MTAP: variants seen among roughly 807,000 people sequenced by gnomAD.
MTAP encodes methylthioadenosine phosphorylase.
In MTAP, 33 loss-of-function variants were observed where a neutral mutation model predicts 33.6. The ratio of observed to expected loss-of-function variants is 0.98; its 90% CI spans 0.74 to 1.31. The LOEUF is 1.31. MTAP is among the 40% of genes most tolerant of loss of function. The pLI is 0.00. For missense variants in MTAP, 367 were observed against 360.0 expected, an observed-to-expected ratio of 1.02 and a Z score of -0.16; for synonymous variants, 148 against 125.7, an observed-to-expected ratio of 1.18 and a Z score of -1.19.
At chr9:21,928,159 A>C (rs560529552) in intron 1 of MTAP, among the ~76,000 whole-genome samples, 6 of 152,244 alleles carry the variant, frequency 3.9e-5, no homozygotes, top group African/African-American at 1.4e-4. Flanking sequence ...TGGATGGTAC[A>C]TGTTGGGAGA....
intron 1 of MTAP, among the ~76,000 whole-genome samples, chr9:21,900,982 C>A (rs2118799355): frequency 6.6e-6 from 1 of 152,212 alleles, no homozygotes; most frequent in South Asian, 2.1e-4. Context: ...CACATGAACA[C>A]AAAGAAGGGA....
chr9:21,889,545 G>A (rs964903960), intron 1 of MTAP, among the ~76,000 whole-genome samples: 1 of 152,020 alleles, frequency 6.6e-6, no homozygotes, highest in Non-Finnish European at 1.5e-5. Flanking sequence ...GGGACTAAAG[G>A]GCTGCTGTTC....
At chr9:21,929,163 G>C (rs1224871778) in intron 1 of MTAP, among the ~76,000 whole-genome samples, 1 of 151,938 alleles carries the variant, frequency 6.6e-6, no homozygotes, top group Non-Finnish European at 1.5e-5. Context: ...ATCATGCCTG[G>C]GTGAAGTCAT....
chr9:21,884,086 C>T (rs1340035816), intron 1 of MTAP, among the ~76,000 whole-genome samples: 2 of 151,594 alleles, frequency 1.3e-5, no homozygotes, highest in South Asian at 2.1e-4. Context: ...TCAACATCCT[C>T]ACTGAAAAAA....
At chr9:21,902,974 A>G (rs1818416418) in intron 1 of MTAP, among the ~76,000 whole-genome samples, 1 of 152,254 alleles carries the variant, frequency 6.6e-6, no homozygotes, top group South Asian at 2.1e-4. Context: ...TAAAGAATTT[A>G]AAAGGTAAAT....
chr9:21,909,096 A>T (rs2118838100), intron 1 of MTAP, among the ~76,000 whole-genome samples: 1 of 152,168 alleles, frequency 6.6e-6, no homozygotes, highest in Non-Finnish European at 1.5e-5. Context: ...TGCTGTTTTG[A>T]GGCTCCTTCT....
intron 1 of MTAP, among the ~76,000 whole-genome samples, chr9:21,914,379 C>G (rs1389308190): frequency 6.6e-6 from 1 of 152,046 alleles, no homozygotes; most frequent in African/African-American, 2.4e-5. Context: ...TTGGAACCGA[C>G]CCAAATGTCC....
intron 1 of MTAP, among the ~76,000 whole-genome samples, chr9:21,884,844 T>C (rs1483573360): frequency 6.6e-6 from 1 of 152,180 alleles, no homozygotes; most frequent in Non-Finnish European, 1.5e-5. Flanking sequence ...AATTGCATGA[T>C]TCCCTTTATA....
intron 1 of MTAP, among the ~76,000 whole-genome samples, chr9:21,890,168 C>T (rs1818177379): frequency 6.6e-6 from 1 of 151,932 alleles, no homozygotes; most frequent in African/African-American, 2.4e-5. Flanking sequence ...GAGTTATGTT[C>T]CCAGGTGGAT....
intron 1 of MTAP, among the ~76,000 whole-genome samples, chr9:21,899,200 A>G (rs1818346895): frequency 8.1e-6 from 1 of 123,710 alleles, no homozygotes; most frequent in Admixed American, 1.1e-4. Flanking sequence ...ACCTGGACAC[A>G]GGAAGGGGAA....
intron 1 of MTAP, among the ~76,000 whole-genome samples, chr9:21,879,241 T>A (rs1587270434): frequency 6.6e-6 from 1 of 152,218 alleles, no homozygotes; most frequent in Non-Finnish European, 1.5e-5. Context: ...GCTCCTGTGT[T>A]GGGTGCATAT....
At chr9:21,823,083 A>G (rs1030135509) in intron 4 of MTAP, among the ~76,000 whole-genome samples, 5 of 152,184 alleles carry the variant, frequency 3.3e-5, no homozygotes, top group South Asian at 2.1e-4. Context: ...TCTTTATCCA[A>G]TTTGCCAGTC....
intron 4 of MTAP, among the ~76,000 whole-genome samples, chr9:21,825,522 T>TA (rs1202193198): frequency 6.6e-6 from 1 of 152,178 alleles, no homozygotes; most frequent in Non-Finnish European, 1.5e-5. Context: ...CATCAACACT[T>TA]ACTTTGTTTT....
In MTAP at chr9:21,922,695, C is replaced by T. The variant is rs1368128889; in HGVS notation, c.148-8313C>T. On this transcript the variant is annotated intron_variant, in intron 1 of 1. Coordinates refer to the MTAP transcript ENST00000577563. The surrounding 1 kb of genome is among the most constrained non-coding windows in gnomAD (Gnocchi z 4.8). ...AAGGAGATCTGTACACAGTTTTCTTCTCCCCTTTCACTCTCCTGCCTTCCA... is the reference window on the plus strand; with the variant it reads ...AAGGAGATCTGTACACAGTTTTCTTTTCCCCTTTCACTCTCCTGCCTTCCA... 6.6e-6 allele frequency among the ~76,000 whole-genome samples: 1 copy of T among 152,168 alleles called. No homozygotes were observed. Among genetic ancestry groups the T allele is most frequent in the Non-Finnish European group, 1.5e-5 (1 of 68,020 alleles).
chr9:21,926,100 G>T (rs1818865421), intron 1 of MTAP, among the ~76,000 whole-genome samples: 1 of 152,162 alleles, frequency 6.6e-6, no homozygotes. Context: ...CACACACAAG[G>T]ATGAACTTCC....
intron 5 of MTAP, among the ~76,000 whole-genome samples, chr9:21,841,102 C>G (rs1276295734): frequency 6.6e-6 from 1 of 152,164 alleles, no homozygotes; most frequent in Non-Finnish European, 1.5e-5. Flanking sequence ...CAAGCCCTGC[C>G]CAAGAAGAGT....
At chr9:21,854,559 A>G (rs1337882208) in intron 5 of MTAP, 72 bp from the exon 6 acceptor site, 3 of 1,465,646 alleles carry the variant, frequency 2.0e-6, no homozygotes, top group Non-Finnish European at 1.8e-6. Context: ...CTTGGTAAAC[A>G]TTGGGGGGAA....
rs1184814561 is a variant in MTAP, at chr9:21,864,787, A to G, written c.*2773A>G. ...GGTGACCTCCAACCTGCCCTGAGCC[A>G]GCTGCCCTGCAGGTGCCACGTGAGC... is the stretch of plus-strand genomic sequence containing the variant. On this transcript the variant is annotated 3_prime_UTR_variant, in exon 8 of 8. Coordinates refer to ENST00000644715, the MANE Select transcript of MTAP (RefSeq NM_002451.4). 2 of 985,392 alleles carry G rather than the reference A, an allele frequency of 2.0e-6. No individual in the cohort carries two copies. The highest frequency in any genetic ancestry group is 2.4e-6 in the Non-Finnish European group (2 of 829,998). 61.0% of individuals were successfully genotyped at this position (985,392 alleles called of 1,614,324 possible).
At chr9:21,930,148 G>C (rs7864029) in intron 1 of MTAP, 130,680 of 401,890 alleles carry the variant, frequency 0.33, 27,988 homozygotes, top group African/African-American at 0.71. Flanking sequence ...TTCTAATGGA[G>C]TAAACTCAAA....
Sources: gnomAD v4.1 joint callset for allele counts (sites outside exome capture counted in the v4.1 genomes callset) on GRCh38, gnomAD v4.1.1 for gene constraint, Gnocchi (gnomAD v3.1) non-coding constraint, MANE v1.5 for transcripts, NCBI Gene and HGNC (gene_info 2026-07-23, HGNC 2026-07-21) for gene names.